AGBL4: variants seen among roughly 807,000 people sequenced by gnomAD.
The protein encoded by AGBL4 is AGBL carboxypeptidase 4, also known as cytosolic carboxypeptidase 6.
A neutral mutation model predicts 66.4 loss-of-function variants in AGBL4; 58 were observed. The ratio of observed to expected loss-of-function variants is 0.87; its 90% CI spans 0.71 to 1.09. The LOEUF is 1.09. AGBL4 is among the 50% of genes least tolerant of loss of function. The pLI is 0.00. For synonymous variants in AGBL4, 234 were observed against 222.9 expected, an observed-to-expected ratio of 1.05 and a Z score of -0.44; for missense variants, 579 against 631.0, an observed-to-expected ratio of 0.92 and a Z score of 0.88.
At chr1:49,663,584 G>A (rs1011257703) in intron 3 of AGBL4, among the ~76,000 whole-genome samples, 1 of 152,062 alleles carries the variant, frequency 6.6e-6, no homozygotes, top group Admixed American at 6.6e-5. Context: ...GAACTCTATT[G>A]TGCTCAGCCA....
At position 49,561,036 on chromosome 1, in the gene AGBL4, T is replaced by G. The variant is rs575239804; in HGVS notation, c.282+136277A>C. On this transcript the variant is annotated intron_variant, in intron 3 of 13. Coordinates refer to ENST00000371839, the MANE Select transcript of AGBL4 (RefSeq NM_032785.4). ...GAAGGTACAAACTCACTGCTAATAG[T>G]AAGGACATGGAAAACACAAAATTCT... Among the ~76,000 whole-genome samples the G allele has an allele frequency of 2.0e-5, 3 of 152,138 alleles. No homozygotes were observed. The South Asian group carries it at 6.2e-4, about 32-fold the overall frequency.
At chr1:49,831,276 T>G (rs1050968477) in intron 2 of AGBL4, among the ~76,000 whole-genome samples, 1 of 152,196 alleles carries the variant, frequency 6.6e-6, no homozygotes. Flanking sequence ...TGTCCTCTCT[T>G]ATTTCCTTGA....
chr1:48,749,301 C>T (rs1651278631), intron 6 of AGBL4, among the ~76,000 whole-genome samples: 1 of 152,166 alleles, frequency 6.6e-6, no homozygotes, highest in Non-Finnish European at 1.5e-5. Context: ...AGCTCCCTGA[C>T]TAGAACATAA....
intron 4 of AGBL4, among the ~76,000 whole-genome samples, chr1:49,237,136 G>A (rs1281118605): frequency 2.0e-5 from 3 of 151,614 alleles, no homozygotes; most frequent in Non-Finnish European, 4.4e-5. Context: ...GGTGGCAGGC[G>A]CCTGTAGTCC....
At chr1:48,822,554 T>C (rs1237201629) in intron 6 of AGBL4, among the ~76,000 whole-genome samples, 1 of 152,260 alleles carries the variant, frequency 6.6e-6, no homozygotes, top group Non-Finnish European at 1.5e-5. Context: ...CATATTTGTG[T>C]GGGTAGAACT....
At chr1:49,684,444 T>C (rs1272648404) in intron 3 of AGBL4, among the ~76,000 whole-genome samples, 1 of 152,168 alleles carries the variant, frequency 6.6e-6, no homozygotes, top group Non-Finnish European at 1.5e-5. Flanking sequence ...AATTTGGGTC[T>C]TTTTTAATTG....
chr1:49,111,364 G>C (rs1645407372), intron 4 of AGBL4, among the ~76,000 whole-genome samples: 1 of 152,140 alleles, frequency 6.6e-6, no homozygotes, highest in South Asian at 2.1e-4. Context: ...CGCCCGCCTT[G>C]GCCTCCCAGA....
At chr1:49,226,754 T>C (rs1287175484) in intron 4 of AGBL4, among the ~76,000 whole-genome samples, 5 of 152,234 alleles carry the variant, frequency 3.3e-5, no homozygotes, top group African/African-American at 9.6e-5. Context: ...AGGTCCTTCC[T>C]TAAATTCAAA....
At chr1:49,778,332 T>G (rs762930490) in intron 2 of AGBL4, among the ~76,000 whole-genome samples, 1 of 152,198 alleles carries the variant, frequency 6.6e-6, no homozygotes, top group Non-Finnish European at 1.5e-5. Context: ...GCAGCCCTGA[T>G]GCAGTAGCAC....
At chr1:49,594,224 A>G (rs941163199) in intron 3 of AGBL4, among the ~76,000 whole-genome samples, 3 of 152,148 alleles carry the variant, frequency 2.0e-5, no homozygotes, top group Non-Finnish European at 4.4e-5. Flanking sequence ...AAAAACTAAT[A>G]TCATTGGTTA....
At chr1:48,661,574 A>G (rs966236719) in intron 7 of AGBL4, among the ~76,000 whole-genome samples, 3 of 152,250 alleles carry the variant, frequency 2.0e-5, no homozygotes, top group Non-Finnish European at 4.4e-5. Context: ...ACAGAACGCC[A>G]TTGAGTGTAT....
chr1:48,803,978 C>T (rs1645864844), intron 6 of AGBL4, among the ~76,000 whole-genome samples: 1 of 152,160 alleles, frequency 6.6e-6, no homozygotes, highest in Non-Finnish European at 1.5e-5. Flanking sequence ...CTCTCAACAT[C>T]TCAGTTTCCT....
intron 5 of AGBL4, among the ~76,000 whole-genome samples, chr1:48,977,423 G>C (rs188400781): frequency 3.9e-5 from 6 of 152,248 alleles, no homozygotes; most frequent in Admixed American, 6.5e-5. Context: ...TCTCTGACAA[G>C]AGATAATGTA....
chr1:48,678,523 G>A (rs1372590047), intron 6 of AGBL4, among the ~76,000 whole-genome samples: 4 of 152,126 alleles, frequency 2.6e-5, no homozygotes, highest in South Asian at 2.1e-4. Context: ...GAGCTGACCC[G>A]GGCCAGATTG....
chr1:48,647,418 G>T (rs1317673447), intron 8 of AGBL4, among the ~76,000 whole-genome samples: 1 of 152,062 alleles, frequency 6.6e-6, no homozygotes, highest in Non-Finnish European at 1.5e-5. Context: ...AGAAATTATG[G>T]GTAACTACTT....
At chr1:49,300,595 C>A (rs905093434) in intron 3 of AGBL4, among the ~76,000 whole-genome samples, 4 of 152,164 alleles carry the variant, frequency 2.6e-5, no homozygotes, top group Non-Finnish European at 5.9e-5. Context: ...AAGATGATTT[C>A]TCAAGAACAC....
intron 7 of AGBL4, among the ~76,000 whole-genome samples, chr1:48,659,767 G>C (rs541354018): frequency 6.6e-6 from 1 of 152,324 alleles, no homozygotes; most frequent in Admixed American, 6.5e-5. Flanking sequence ...CAGGTACAAA[G>C]TGCCTCATGG....
intron 5 of AGBL4, among the ~76,000 whole-genome samples, chr1:48,961,999 A>G (rs781089481): frequency 6.6e-6 from 1 of 152,118 alleles, no homozygotes; most frequent in Non-Finnish European, 1.5e-5. Flanking sequence ...GGCAATTGGT[A>G]TTTTTTAGAG....
At chr1:48,795,472 A>G (rs1645652012) in intron 6 of AGBL4, among the ~76,000 whole-genome samples, 1 of 151,420 alleles carries the variant, frequency 6.6e-6, no homozygotes, top group African/African-American at 2.4e-5. Context: ...AGAGATTTAC[A>G]TATAGTGGTA....
Sources: gnomAD v4.1 joint callset for allele counts (sites outside exome capture counted in the v4.1 genomes callset) on GRCh38, gnomAD v4.1.1 for gene constraint, MANE v1.5 for transcripts, NCBI Gene and HGNC (gene_info 2026-07-23, HGNC 2026-07-21) for gene names.